Variants in FRMD4A observed in about 807,000 individuals in gnomAD.
FRMD4A encodes FERM domain-containing protein 4A.
FRMD4A carries 29 observed loss-of-function variants against 129.1 expected under a neutral mutation model. The observed-to-expected ratio is 0.22, with a 90% CI of 0.17 to 0.31. FRMD4A has a LOEUF of 0.31. FRMD4A is among the 10% of genes least tolerant of loss of function. The pLI, the probability that FRMD4A is intolerant of heterozygous loss-of-function variation, is 1.00. For missense variants in FRMD4A, 1,272 were observed against 1,375.8 expected, an observed-to-expected ratio of 0.92 and a Z score of 1.19; for synonymous variants, 634 against 571.6, an observed-to-expected ratio of 1.11 and a Z score of -1.56.
Position 14,014,656 on chromosome 10 carries a change from C to T in FRMD4A, c.46-155744G>A, listed in dbSNP as rs77342493. On this transcript the variant is annotated intron_variant, in intron 2 of 24. Coordinates refer to ENST00000357447, the MANE Select transcript of FRMD4A (RefSeq NM_018027.5). ...TAGGCCAAACATGAAACCCAATATC[C>T]GTAAGAACAGGACCAAGACATCAAG... 1.4e-4 allele frequency among the ~76,000 whole-genome samples: 21 copies of T among 152,292 alleles called. 1 individual carries two copies. In the East Asian group the frequency reaches 3.3e-3, roughly 24 times the overall value.
At chr10:13,783,543 C>A (rs374893218) in intron 5 of FRMD4A, among the ~76,000 whole-genome samples, 1 of 149,944 alleles carries the variant, frequency 6.7e-6, no homozygotes, top group Non-Finnish European at 1.5e-5. Flanking sequence ...TACCACCACG[C>A]CTAATTTTTT....
chr10:14,245,158 CAG>C (rs1844187392), intron 2 of FRMD4A, among the ~76,000 whole-genome samples: 1 of 152,140 alleles, frequency 6.6e-6, no homozygotes, highest in Admixed American at 6.5e-5. Flanking sequence ...CTTGGGTCCC[CAG>C]GAGCAAGTGA....
intron 2 of FRMD4A, among the ~76,000 whole-genome samples, chr10:14,125,350 G>T (rs1027504383): frequency 7.2e-5 from 11 of 152,114 alleles, no homozygotes; most frequent in Admixed American, 4.6e-4. Context: ...ATGGAAGGGG[G>T]TGCGTGTATC....
chr10:14,324,737 G>A (rs544612983), intron 2 of FRMD4A, among the ~76,000 whole-genome samples: 2 of 152,206 alleles, frequency 1.3e-5, no homozygotes, highest in African/African-American at 4.8e-5. Context: ...CTCGGCTCAC[G>A]GCAACCTCTG....
At position 13,657,467 on chromosome 10, in the gene FRMD4A, G is replaced by A. The variant is rs2082263040; in HGVS notation, c.2122C>T (p.Arg708Trp). 4.3e-6 allele frequency: 7 copies of A among 1,610,990 alleles called. No homozygotes were observed. Among genetic ancestry groups the A allele is most frequent in the African/African-American group, 1.3e-5 (1 of 74,910 alleles). Residue 708 changes from arginine to tryptophan, a missense_variant, in exon 22 of 25, where the codon CGG (arginine) becomes TGG (tryptophan). Transcript: ENST00000357447. ...CCCTGGGACTCCAGGCTGGAGCTCC[G>A]GTGCCTAAAGTGCAGTGCGAGGCTG... is the stretch of plus-strand genomic sequence containing the variant. Reference protein sequence around the residue: ...LHSLALHFRHRSSSLESQGKL... With the variant: ...LHSLALHFRHWSSSLESQGKL...
At chr10:13,873,426 G>T (rs1024813252) in intron 2 of FRMD4A, among the ~76,000 whole-genome samples, 1 of 152,202 alleles carries the variant, frequency 6.6e-6, no homozygotes, top group East Asian at 1.9e-4. Context: ...TGGAGAACTC[G>T]CAAAGGAGAC....
At chr10:14,022,155 G>A (rs1487413665) in intron 2 of FRMD4A, among the ~76,000 whole-genome samples, 1 of 152,220 alleles carries the variant, frequency 6.6e-6, no homozygotes. Flanking sequence ...GACACAGAAT[G>A]AGAGAATTAA....
chr10:14,032,613 G>A (rs1249982877), intron 2 of FRMD4A, among the ~76,000 whole-genome samples: 1 of 152,194 alleles, frequency 6.6e-6, no homozygotes, highest in Non-Finnish European at 1.5e-5. Context: ...TCCAGTGAAG[G>A]CCACCAGGGG....
chr10:13,905,918 T>C (rs1029733421), intron 2 of FRMD4A, among the ~76,000 whole-genome samples: 17 of 152,204 alleles, frequency 1.1e-4, no homozygotes, highest in African/African-American at 3.4e-4. Flanking sequence ...GAGGAAAGAA[T>C]TGGAAGTTTA....
chr10:14,129,411 A>G (rs1479961704), intron 2 of FRMD4A, among the ~76,000 whole-genome samples: 1 of 74,806 alleles, frequency 1.3e-5, no homozygotes, highest in Non-Finnish European at 3.2e-5. Flanking sequence ...TATATATAAA[A>G]AATATGAGCT....
At chr10:13,800,738 T>C (rs2093234702) in intron 4 of FRMD4A, among the ~76,000 whole-genome samples, 1 of 152,216 alleles carries the variant, frequency 6.6e-6, no homozygotes, top group African/African-American at 2.4e-5. Flanking sequence ...ACAGATGTCA[T>C]TTGGATTCCA....
Position 14,205,917 on chromosome 10 carries a change from C to T in FRMD4A, c.45+124141G>A, listed in dbSNP as rs35206562. ...CTTACCTGCCTACTCTTTAAAGTAG[C>T]CTCTCAAGGTCCCCTTCTCGTCGTG... On this transcript the variant is annotated intron_variant, in intron 2 of 24. Transcript: ENST00000357447. 4.3e-3 allele frequency among the ~76,000 whole-genome samples: 649 copies of T among 152,072 alleles called. 2 individuals carry two copies. The highest frequency in any genetic ancestry group is 7.0e-3 in the Non-Finnish European group (479 of 68,012).
At chr10:13,871,634 G>C (rs1345514525) in intron 2 of FRMD4A, among the ~76,000 whole-genome samples, 1 of 152,168 alleles carries the variant, frequency 6.6e-6, no homozygotes, top group Non-Finnish European at 1.5e-5. Context: ...ACTCTGCCGG[G>C]TTCTCCCTGC....
chr10:14,180,520 G>A (rs1176243797), intron 2 of FRMD4A, among the ~76,000 whole-genome samples: 3 of 152,144 alleles, frequency 2.0e-5, no homozygotes, highest in African/African-American at 2.4e-5. Flanking sequence ...ACAGACTTAC[G>A]AGCAAGCCAG....
rs558505373 is a variant in FRMD4A at position 14,159,566 on chromosome 10, T to C, written c.45+170492A>G. On this transcript the variant is annotated intron_variant, in intron 2 of 24. Transcript: ENST00000357447. ...CATGATGCTACTACCCAAAGCAATC[T>C]ACAGATTCAATTCAATCCCTATCCA... 4.3e-4 allele frequency among the ~76,000 whole-genome samples: 66 copies of C among 152,300 alleles called. 1 individual carries two copies. The highest frequency in any genetic ancestry group is 1.0e-3 in the South Asian group (5 of 4,822).
chr10:14,082,032 A>G (rs1392099417), intron 2 of FRMD4A, among the ~76,000 whole-genome samples: 1 of 152,136 alleles, frequency 6.6e-6, no homozygotes, highest in East Asian at 1.9e-4. Context: ...GTGGATCACG[A>G]GGTCAGAGAT....
Position 13,766,612 on chromosome 10 carries a change from G to C in FRMD4A, c.385-3932C>G, listed in dbSNP as rs190721171. On this transcript the variant is annotated intron_variant, in intron 6 of 24. Transcript: ENST00000357447. ...GATAAGAACCAATCTAGGGTGGTGG[G>C]AAGACATCCTGAGAGTCTTTGCCCA... is the stretch of plus-strand genomic sequence containing the variant. 1.1e-4 allele frequency among the ~76,000 whole-genome samples: 17 copies of C among 152,236 alleles called. 1 individual carries two copies. The East Asian group carries it at 3.3e-3, about 29-fold the overall frequency.
At chr10:14,266,535 C>T (rs549410574) in intron 2 of FRMD4A, among the ~76,000 whole-genome samples, 1 of 147,648 alleles carries the variant, frequency 6.8e-6, no homozygotes, top group Non-Finnish European at 1.5e-5. Context: ...ATGTGTGTGG[C>T]TATGTAGGGT....
intron 2 of FRMD4A, among the ~76,000 whole-genome samples, chr10:14,069,759 T>C (rs2131714259): frequency 6.6e-6 from 1 of 152,342 alleles, no homozygotes; most frequent in Middle Eastern, 3.4e-3. Context: ...CCTGCCCCAG[T>C]GGCTTCCCTT....
Sources: allele counts gnomAD v4.1 joint callset (sites outside exome capture counted in the v4.1 genomes callset), GRCh38; gene constraint gnomAD v4.1.1; transcripts MANE v1.5; gene names NCBI Gene and HGNC (gene_info 2026-07-23, HGNC 2026-07-21).